GALNT18: variants seen among roughly 807,000 people sequenced by gnomAD.
The protein encoded by GALNT18 is GalNAc-transferase 18.
Under a neutral mutation model 69.5 loss-of-function variants are expected in GALNT18, and 44 were observed. The ratio of observed to expected loss-of-function variants is 0.63; its 90% CI spans 0.50 to 0.81. GALNT18 has a LOEUF of 0.81. Among genes scored for constraint, GALNT18 ranks in the 40% least tolerant of loss-of-function variants. GALNT18 has a pLI of 0.00. For missense variants in GALNT18, 715 were observed against 810.0 expected (o/e 0.88, Z 1.42); for synonymous variants, 364 against 318.2 (o/e 1.14, Z -1.53).
At chr11:11,509,571 G>A (rs1857128999) in intron 1 of GALNT18, among the ~76,000 whole-genome samples, 2 of 152,224 alleles carry the variant, frequency 1.3e-5, no homozygotes, top group African/African-American at 2.4e-5. Context: ...AGTAGTTACT[G>A]AACAATGGAG....
intron 1 of GALNT18, among the ~76,000 whole-genome samples, chr11:11,544,633 T>C (rs995782583): frequency 6.6e-6 from 1 of 152,220 alleles, no homozygotes; most frequent in African/African-American, 2.4e-5. Flanking sequence ...GCCATGGTGG[T>C]TGGCTGCACC....
Position 11,584,747 on chromosome 11 carries a change from G to A in GALNT18, c.235+36612C>T, listed in dbSNP as rs996999719. Among the ~76,000 whole-genome samples the A allele has an allele frequency of 2.6e-5, 4 of 152,168 alleles. No individual in the cohort carries two copies. The highest frequency in any genetic ancestry group is 6.5e-5 in the Admixed American group (1 of 15,272). On this transcript the variant is annotated intron_variant, in intron 1 of 10. Transcript: ENST00000227756. This position sits in a 1 kb window ranked among gnomAD's most constrained non-coding sequence, Gnocchi z 4.1. ...CTCAAGAGAAAGAGCTTATACAATC[G>A]AGGTGGACAATGAACTACGTACTTT...
intron 10 of GALNT18, among the ~76,000 whole-genome samples, chr11:11,279,375 G>A (rs972769735): frequency 6.6e-6 from 1 of 152,082 alleles, no homozygotes; most frequent in African/African-American, 2.4e-5. Context: ...TACAACTGTT[G>A]AAATGGGCAG....
intron 1 of GALNT18, among the ~76,000 whole-genome samples, chr11:11,467,195 T>C (rs77099316): frequency 0.074 from 11,260 of 151,876 alleles, 902 homozygotes; most frequent in East Asian, 0.22. Context: ...GGCAGGAGGG[T>C]TCTGCTGTCT....
In GALNT18 at chr11:11,338,329, T is replaced by C. The variant is rs1023502966; in HGVS notation, c.1278+2490A>G. On this transcript the variant is annotated intron_variant, in intron 7 of 10. Coordinates refer to ENST00000227756, the MANE Select transcript of GALNT18 (RefSeq NM_198516.3). This position sits in a 1 kb window ranked among gnomAD's most constrained non-coding sequence, Gnocchi z 5.3. ...GTTGTGAGTGTTTTAAAGATAACTT[T>C]GGGTATTGTAGAGGATAGATTTGAA... Among the ~76,000 whole-genome samples the C allele has an allele frequency of 7.2e-5, 11 of 151,978 alleles. No individual in the cohort carries two copies. Among genetic ancestry groups the C allele is most frequent in the African/African-American group, 2.7e-4 (11 of 41,462 alleles).
intron 1 of GALNT18, among the ~76,000 whole-genome samples, chr11:11,481,622 C>T (rs1302262528): frequency 1.3e-5 from 2 of 152,192 alleles, no homozygotes; most frequent in Non-Finnish European, 2.9e-5. Flanking sequence ...TCCCAGCACT[C>T]TGGCCTGCCC....
intron 10 of GALNT18, among the ~76,000 whole-genome samples, chr11:11,283,811 GCA>G: frequency 6.6e-6 from 1 of 152,278 alleles, no homozygotes; most frequent in Non-Finnish European, 1.5e-5. Context: ...AGAAGCCGTA[GCA>G]CACAGAGAAC....
rs1848815768 is a variant in GALNT18 at position 11,271,062 on chromosome 11, A to AAC, written c.*80_*81dup. On this transcript the variant is annotated 3_prime_UTR_variant, in exon 11 of 11. Transcript: ENST00000227756. ...CACTAACCTGGTTCCCCAGACTCCA[A>AAC]ACAACCCCACGTGGACAGCAGGCAA... 1 of 1,379,868 alleles carries AAC rather than the reference A, an allele frequency of 7.2e-7. No individual in the cohort carries two copies. Among genetic ancestry groups the AAC allele is most frequent in the African/African-American group, 1.4e-5 (1 of 70,328 alleles). 85.5% of individuals were successfully genotyped at this position (1,379,868 alleles called of 1,614,324 possible). A position where few individuals can be genotyped will look rare whatever the true frequency, so the allele number is the denominator to read the frequency against.
chr11:11,501,401 A>G (rs1856969619), intron 1 of GALNT18, among the ~76,000 whole-genome samples: 1 of 152,202 alleles, frequency 6.6e-6, no homozygotes, highest in Admixed American at 6.5e-5. Flanking sequence ...AAATGGTGAA[A>G]ATAGCTGATA....
At chr11:11,499,867 C>T (rs1206000366) in intron 1 of GALNT18, among the ~76,000 whole-genome samples, 1 of 152,140 alleles carries the variant, frequency 6.6e-6, no homozygotes, top group African/African-American at 2.4e-5. Context: ...AAGAGGGTCT[C>T]CAACACCAGG....
Position 11,350,504 on chromosome 11 carries a change from G to A in GALNT18, c.1093-9500C>T, listed in dbSNP as rs537798055. Among the ~76,000 whole-genome samples, 10 of 152,294 alleles carry A rather than the reference G, an allele frequency of 6.6e-5. No homozygotes were observed. The South Asian group carries it at 1.9e-3, about 28-fold the overall frequency. ...TGGGACTCAAGACAAGTTGGAAAAA[G>A]GAAGACGTCAGGCTCTGACATACAG... is the stretch of plus-strand genomic sequence containing the variant. On this transcript the variant is annotated intron_variant, in intron 6 of 10. Transcript: ENST00000227756.
intron 1 of GALNT18, among the ~76,000 whole-genome samples, chr11:11,495,185 G>A (rs78400246): frequency 0.026 from 3,884 of 152,272 alleles, 165 homozygotes; most frequent in African/African-American, 0.088. Flanking sequence ...GTTTCGAACC[G>A]TAGGTTTCCA....
At chr11:11,502,448 T>C (rs976140993) in intron 1 of GALNT18, among the ~76,000 whole-genome samples, 3 of 152,222 alleles carry the variant, frequency 2.0e-5, no homozygotes, top group African/African-American at 7.2e-5. Flanking sequence ...CGCCATACTC[T>C]GTTGGCTTCT....
Position 11,546,919 on chromosome 11 carries a change from T to C in GALNT18, c.235+74440A>G, listed in dbSNP as rs895146863. 6.6e-6 allele frequency among the ~76,000 whole-genome samples: 1 copy of C among 151,784 alleles called. No homozygotes were observed. The highest frequency in any genetic ancestry group is 2.4e-5 in the African/African-American group (1 of 41,246). ...ATGGATAGATGGGTAGGTGGATGGATATGGAATCTTCTTTTTTTTTTTTTA... is the reference window on the plus strand; with the variant it reads ...ATGGATAGATGGGTAGGTGGATGGACATGGAATCTTCTTTTTTTTTTTTTA... On this transcript the variant is annotated intron_variant, in intron 1 of 10. Transcript: ENST00000227756. This position sits in a 1 kb window ranked among gnomAD's most constrained non-coding sequence, Gnocchi z 5.8.
At chr11:11,283,464 A>G (rs1051060817) in intron 10 of GALNT18, among the ~76,000 whole-genome samples, 1 of 152,130 alleles carries the variant, frequency 6.6e-6, no homozygotes, top group Admixed American at 6.5e-5. Flanking sequence ...AGGGCCAGCC[A>G]TTGCAGAATC....
In GALNT18 at chr11:11,421,263, T is replaced by C. The variant is rs1854998699; in HGVS notation, c.595+11358A>G. Among the ~76,000 whole-genome samples the C allele has an allele frequency of 6.6e-6, 1 of 152,064 alleles. No individual in the cohort carries two copies. Among genetic ancestry groups the C allele is most frequent in the Non-Finnish European group, 1.5e-5 (1 of 68,014 alleles). On this transcript the variant is annotated intron_variant, in intron 3 of 10. Coordinates refer to ENST00000227756, the MANE Select transcript of GALNT18 (RefSeq NM_198516.3). This position sits in a 1 kb window ranked among gnomAD's most constrained non-coding sequence, Gnocchi z 5.6. ...GAGAGCAGAGAAGAGGCTGGCAACATGCAGGACTAGAGCTGGAGAAATGGA... is the reference window on the plus strand; with the variant it reads ...GAGAGCAGAGAAGAGGCTGGCAACACGCAGGACTAGAGCTGGAGAAATGGA...
At chr11:11,302,380 AG>A (rs1185387280) in intron 9 of GALNT18, among the ~76,000 whole-genome samples, 44 of 152,154 alleles carry the variant, frequency 2.9e-4, no homozygotes, top group Non-Finnish European at 3.1e-4. Flanking sequence ...TCTAGGGACC[AG>A]GGCTTGCAAA....
chr11:11,439,277 G>C lies in GALNT18; in HGVS notation c.429-6490C>G, dbSNP rs1855482719. 6.6e-6 allele frequency among the ~76,000 whole-genome samples: 1 copy of C among 152,198 alleles called. No homozygotes were observed. Among genetic ancestry groups the C allele is most frequent in the African/African-American group, 2.4e-5 (1 of 41,440 alleles). On this transcript the variant is annotated intron_variant, in intron 2 of 10. Coordinates refer to ENST00000227756, the MANE Select transcript of GALNT18 (RefSeq NM_198516.3). The surrounding 1 kb of genome is among the most constrained non-coding windows in gnomAD (Gnocchi z 4.4). ...ACAGCAGAAGTGGGGCAAAGAGGAT[G>C]GCAGGCTGGAGCTGTCCAGGATGTC...
intron 7 of GALNT18, among the ~76,000 whole-genome samples, chr11:11,334,764 C>T (rs758403525): frequency 6.6e-6 from 1 of 152,154 alleles, no homozygotes; most frequent in East Asian, 1.9e-4. Context: ...CAACTGTTAT[C>T]CTAGCCTTTC....
Sources: gnomAD v4.1 joint callset for allele counts (sites outside exome capture counted in the v4.1 genomes callset) on GRCh38, gnomAD v4.1.1 for gene constraint, Gnocchi (gnomAD v3.1) non-coding constraint, MANE v1.5 for transcripts, NCBI Gene and HGNC (gene_info 2026-07-23, HGNC 2026-07-21) for gene names.